Variants in LRRFIP2 observed in about 807,000 individuals in gnomAD.
The protein encoded by LRRFIP2 is LRR binding FLII interacting protein 2, also known as leucine-rich repeat flightless-interacting protein 2.
Under a neutral mutation model 125.9 loss-of-function variants are expected in LRRFIP2, and 109 were observed. The observed-to-expected ratio is 0.87, with a 90% CI of 0.74 to 1.01. The LOEUF (loss-of-function observed/expected upper bound fraction) is 1.01. LRRFIP2 is among the 50% of genes least tolerant of loss of function. The pLI is 0.00. For synonymous variants in LRRFIP2, 291 were observed against 293.1 expected (o/e 0.99, Z 0.07); for missense variants, 850 against 862.3 (o/e 0.99, Z 0.18).
intron 1 of LRRFIP2, among the ~76,000 whole-genome samples, chr3:37,160,166 A>T (rs2096297804): frequency 6.6e-6 from 1 of 152,002 alleles, no homozygotes. Context: ...AGGGAAGGGT[A>T]AGCAATGGGA....
intron 6 of LRRFIP2, among the ~76,000 whole-genome samples, chr3:37,120,015 T>C (rs1444166736): frequency 6.6e-6 from 1 of 151,934 alleles, no homozygotes; most frequent in African/African-American, 2.4e-5. Flanking sequence ...CAGGGAGAAG[T>C]ATGATGAATT....
intron 17 of LRRFIP2, among the ~76,000 whole-genome samples, 188 bp from the exon 18 acceptor site, chr3:37,091,726 TGG>T (rs2093451088): frequency 6.6e-6 from 1 of 152,182 alleles, no homozygotes; most frequent in Non-Finnish European, 1.5e-5. Context: ...ATAGTGGGAC[TGG>T]GGGAAGGTCT....
intron 14 of LRRFIP2, among the ~76,000 whole-genome samples, chr3:37,105,037 T>C (rs766813929): frequency 7.9e-5 from 12 of 152,126 alleles, no homozygotes; most frequent in Non-Finnish European, 1.3e-4. Flanking sequence ...GGATAAACAC[T>C]GGTTAAATCT....
At chr3:37,072,930 G>A in intron 20 of LRRFIP2, 48 bp from the exon 21 acceptor site, 2 of 1,248,886 alleles carry the variant, frequency 1.6e-6, no homozygotes, top group South Asian at 1.3e-5. Flanking sequence ...AGAAAGAAAA[G>A]GGAGAGGAGG....
rs2085878241 is a variant in LRRFIP2 at position 37,052,723 on chromosome 3, A to AAT, written c.*1126_*1127dup. The AAT allele has an allele frequency of 6.6e-6, 1 of 152,132 alleles. No individual in the cohort carries two copies. Among genetic ancestry groups the AAT allele is most frequent in the Non-Finnish European group, 1.5e-5 (1 of 68,032 alleles). 9.4% of individuals were successfully genotyped at this position (152,132 alleles called of 1,614,324 possible). A position where few individuals can be genotyped will look rare whatever the true frequency, so the allele number is the denominator to read the frequency against. On this transcript the variant is annotated 3_prime_UTR_variant, in exon 28 of 28. Transcript: ENST00000336686. Reference sequence around the variant, plus strand: ...GCCTTTAGTCACTAGATTTTCCCCCAATATATTTTCTGTGTAAGCACTTTA... The same window carrying AAT: ...GCCTTTAGTCACTAGATTTTCCCCCAATATATATTTTCTGTGTAAGCACTTTA...
At chr3:37,138,508 A>G (rs1436739825) in intron 2 of LRRFIP2, among the ~76,000 whole-genome samples, 1 of 152,206 alleles carries the variant, frequency 6.6e-6, no homozygotes, top group Non-Finnish European at 1.5e-5. Context: ...TGAACCACAA[A>G]TAAGTGTATT....
At chr3:37,121,192 T>C (rs997268845) in intron 6 of LRRFIP2, among the ~76,000 whole-genome samples, 1 of 152,212 alleles carries the variant, frequency 6.6e-6, no homozygotes, top group African/African-American at 2.4e-5. Flanking sequence ...AAACAAATGT[T>C]ATTCTACAAG....
chr3:37,111,960 T>A (rs2094560084), intron 8 of LRRFIP2: 1 of 152,514 alleles, frequency 6.6e-6, no homozygotes, highest in African/African-American at 2.4e-5. Context: ...ATGGGAACCC[T>A]GAATTAGCAA....
rs560663453 is a variant in LRRFIP2 at position 37,133,167 on chromosome 3, G to T, written c.91-4018C>A. 1.1e-4 allele frequency among the ~76,000 whole-genome samples: 17 copies of T among 152,338 alleles called. 1 individual carries two copies. The South Asian group carries it at 3.5e-3, about 32-fold the overall frequency. On this transcript the variant is annotated intron_variant, in intron 2 of 27. Transcript: ENST00000336686. ...TTGAACCCTGGAGGCAGAGGTTACAGTGAGCCAAGATTGCACCACTGCACT... is the reference window on the plus strand; with the variant it reads ...TTGAACCCTGGAGGCAGAGGTTACATTGAGCCAAGATTGCACCACTGCACT...
intron 15 of LRRFIP2, among the ~76,000 whole-genome samples, chr3:37,100,481 C>T (rs920945116): frequency 6.8e-6 from 1 of 146,422 alleles, no homozygotes; most frequent in African/African-American, 2.7e-5. Context: ...TATAAATAAA[C>T]CAGTAGCTTG....
intron 1 of LRRFIP2, among the ~76,000 whole-genome samples, chr3:37,153,310 G>A (rs9839403): frequency 0.022 from 3,305 of 152,176 alleles, 116 homozygotes; most frequent in African/African-American, 0.076. Flanking sequence ...AGAACTGACT[G>A]ACCCTGGGAG....
intron 15 of LRRFIP2, among the ~76,000 whole-genome samples, chr3:37,098,341 A>G (rs1576518864): frequency 1.3e-5 from 2 of 151,260 alleles, no homozygotes; most frequent in East Asian, 3.9e-4. Flanking sequence ...GGTTTGTTAC[A>G]TATGTATACA....
At chr3:37,141,280 C>T (rs544678089) in intron 2 of LRRFIP2, among the ~76,000 whole-genome samples, 8 of 152,336 alleles carry the variant, frequency 5.3e-5, no homozygotes, top group African/African-American at 1.9e-4. Flanking sequence ...CCTTTAATGG[C>T]TCCCCACAGC....
chr3:37,074,970 C>G, intron 20 of LRRFIP2, 54 bp downstream of exon 20: 1 of 1,165,950 alleles, frequency 8.6e-7, no homozygotes, highest in Admixed American at 1.7e-5. Context: ...CATCCTCATC[C>G]CATTCAACTC....
At position 37,152,109 on chromosome 3, in the gene LRRFIP2, A is replaced by G. The variant is rs536454166; in HGVS notation, c.-55-3071T>C. Among the ~76,000 whole-genome samples the G allele has an allele frequency of 3.0e-4, 45 of 152,362 alleles. No homozygotes were observed. The South Asian group carries it at 9.1e-3, about 31-fold the overall frequency. On this transcript the variant is annotated intron_variant, in intron 1 of 27. Transcript: ENST00000336686. ...AGAAGATAAAGAAAATGTGATATAT[A>G]TACACCATGTAATACTACTCAGCCA...
In LRRFIP2 at chr3:37,098,378, A is replaced by G. The variant is rs551023641; in HGVS notation, c.874-1718T>C. On this transcript the variant is annotated intron_variant, in intron 15 of 27. Coordinates refer to ENST00000336686, the MANE Select transcript of LRRFIP2 (RefSeq NM_006309.4). ...GTGCCATGCTGCTTTTTTTAACTTT[A>G]ATTTTTTTTCTTTTTTTTCTTTTTT... is the stretch of plus-strand genomic sequence containing the variant. Among the ~76,000 whole-genome samples the G allele has an allele frequency of 4.7e-5, 7 of 150,208 alleles. 1 individual carries two copies. Among genetic ancestry groups the G allele is most frequent in the African/African-American group, 1.7e-4 (7 of 40,918 alleles).
intron 2 of LRRFIP2, chr3:37,135,101 T>C (rs532390878): frequency 3.0e-6 from 4 of 1,321,670 alleles, no homozygotes; most frequent in African/African-American, 2.9e-5. Flanking sequence ...AAGAATGCCA[T>C]ATGATGCTAC....
At chr3:37,083,952 C>T (rs1266103821) in intron 18 of LRRFIP2, 146 bp from the exon 19 acceptor site, 6 of 570,434 alleles carry the variant, frequency 1.1e-5, no homozygotes, top group Admixed American at 4.1e-5. Flanking sequence ...TGTTTAGTAA[C>T]ATGCATGTGA....
chr3:37,088,346 A>G (rs2093212931), intron 18 of LRRFIP2, among the ~76,000 whole-genome samples: 1 of 152,034 alleles, frequency 6.6e-6, no homozygotes, highest in African/African-American at 2.4e-5. Flanking sequence ...CCTTATTCTT[A>G]CTGTCCTTCT....
Sources: allele counts gnomAD v4.1 joint callset (sites outside exome capture counted in the v4.1 genomes callset), GRCh38; gene constraint gnomAD v4.1.1; transcripts MANE v1.5; gene names NCBI Gene and HGNC (gene_info 2026-07-23, HGNC 2026-07-21).